The following DNAH9 variants were observed in gnomAD, a reference collection of about 807,000 sequenced individuals.
DNAH9 encodes DNAH9 variant protein.
DNAH9 carries 345 observed loss-of-function variants against 471.6 expected under a neutral mutation model. That is an observed-to-expected ratio of 0.73 (90% CI 0.67 to 0.80). The LOEUF is 0.80. Among genes scored for constraint, DNAH9 ranks in the 30% least tolerant of loss-of-function variants. The probability of loss-of-function intolerance (pLI) is 0.00; values close to 1 mark genes in which losing one functional copy is unlikely to be tolerated. For synonymous variants in DNAH9, 2,093 were observed against 2,123.6 expected (o/e 0.99, Z 0.40); for missense variants, 5,407 against 5,609.2 (o/e 0.96, Z 1.15).
chr17:11,876,145 C>T (rs901278181), intron 53 of DNAH9, among the ~76,000 whole-genome samples: 5 of 151,930 alleles, frequency 3.3e-5, no homozygotes, highest in African/African-American at 1.2e-4. Flanking sequence ...ATTTGGCACT[C>T]GTGTTTATAG....
At chr17:11,676,730 A>T (rs1044475631) in intron 17 of DNAH9, among the ~76,000 whole-genome samples, 1 of 151,412 alleles carries the variant, frequency 6.6e-6, no homozygotes. Flanking sequence ...ACTACTTTGG[A>T]TTTATTTTCT....
chr17:11,874,025 G>A (rs1049632070), intron 52 of DNAH9, among the ~76,000 whole-genome samples: 6 of 152,070 alleles, frequency 3.9e-5, no homozygotes, highest in Admixed American at 2.6e-4. Flanking sequence ...CAGGTGGATC[G>A]CCTGAGGTCA....
chr17:11,891,788 C>G lies in DNAH9; in HGVS notation c.11124C>G (p.Ile3708Met). Residue 3708 changes from isoleucine to methionine, a missense_variant, in exon 58 of 69, where the codon ATC becomes ATG. By Grantham distance (10) the Ile-to-Met change is conservative. Coordinates refer to ENST00000262442, the MANE Select transcript of DNAH9 (RefSeq NM_001372.4). The stretch of plus-strand genomic sequence containing the variant: ...TCTTCTGTCCCCAGGCCTTCAGTAT[C>G]GTCTTCCAGAAGGCTGTGGAGAGGG... ...MYQFSLKAFSIVFQKAVERAA... is the reference protein window; with the variant it reads ...MYQFSLKAFSMVFQKAVERAA... 1 of 1,613,982 alleles carries G rather than the reference C, an allele frequency of 6.2e-7. No homozygotes were observed. Among genetic ancestry groups the G allele is most frequent in the Non-Finnish European group, 8.5e-7 (1 of 1,179,946 alleles).
At position 11,905,244 on chromosome 17, in the gene DNAH9, AAAGAG is replaced by A. The variant is rs1394973379; in HGVS notation, c.11601-415_11601-411del. Reference sequence around the variant, plus strand: ...CGAGAATCCATCTCAAAAAAAAAAAAAAGAGAGAGAATAGCGTACCGTAGGGCCTT... The same window carrying A: ...CGAGAATCCATCTCAAAAAAAAAAAAAGAGAATAGCGTACCGTAGGGCCTT... On this transcript the variant is annotated intron_variant, in intron 60 of 68. Transcript: ENST00000262442. Among the ~76,000 whole-genome samples the A allele has an allele frequency of 5.8e-3, 886 of 152,110 alleles. 5 individuals are homozygous for A. Among genetic ancestry groups the A allele is most frequent in the African/African-American group, 0.02 (813 of 41,502 alleles).
At chr17:11,913,714 GGAGCTTGCAGT>G (rs766560248) in intron 61 of DNAH9, among the ~76,000 whole-genome samples, 1 of 151,714 alleles carries the variant, frequency 6.6e-6, no homozygotes, top group Non-Finnish European at 1.5e-5. Flanking sequence ...CCCAGGAGGT[GGAGCTTGCAGT>G]GAGACGAGAT....
chr17:11,691,422 A>G (rs2074330491), intron 20 of DNAH9, among the ~76,000 whole-genome samples: 1 of 152,198 alleles, frequency 6.6e-6, no homozygotes. Flanking sequence ...TTTAATTAAA[A>G]ATATTGAAGA....
intron 15 of DNAH9, 106 bp downstream of exon 15, chr17:11,665,074 A>AC: frequency 1.0e-6 from 1 of 959,990 alleles, no homozygotes. Context: ...TTTTCCCAAA[A>AC]CGTTGTAGAC....
intron 49 of DNAH9, among the ~76,000 whole-genome samples, chr17:11,838,666 T>C (rs1253492106): frequency 6.6e-6 from 1 of 152,056 alleles, no homozygotes; most frequent in Non-Finnish European, 1.5e-5. Context: ...AAAGGTGAGT[T>C]GAACAAGACA....
At chr17:11,951,266 T>C (rs575103670) in intron 67 of DNAH9, among the ~76,000 whole-genome samples, 3 of 152,342 alleles carry the variant, frequency 2.0e-5, no homozygotes, top group African/African-American at 7.2e-5. Flanking sequence ...AAATATCTGT[T>C]GGACTCATTT....
chr17:11,875,297 C>T, intron 53 of DNAH9, 113 bp downstream of exon 53: 1 of 795,188 alleles, frequency 1.3e-6, no homozygotes, highest in Non-Finnish European at 2.0e-6. Context: ...GTCTCTCCAT[C>T]AGGCTTCTCA....
At chr17:11,897,033 A>G (rs1369713760) in intron 59 of DNAH9, among the ~76,000 whole-genome samples, 2 of 152,230 alleles carry the variant, frequency 1.3e-5, no homozygotes. Context: ...GAGGTTGAAG[A>G]CAGCTGAGAT....
At chr17:11,611,809 G>A in intron 4 of DNAH9, 29 bp downstream of exon 4, 1 of 1,612,386 alleles carries the variant, frequency 6.2e-7, no homozygotes, top group Non-Finnish European at 8.5e-7. Context: ...TTTCACAAAT[G>A]TGTTTGACTC....
At chr17:11,905,939 G>C in intron 61 of DNAH9, 130 bp downstream of exon 61, 1 of 1,215,486 alleles carries the variant, frequency 8.2e-7, no homozygotes, top group East Asian at 2.6e-5. Flanking sequence ...CAGAAGTCAG[G>C]GTCATTGCTG....
intron 45 of DNAH9, among the ~76,000 whole-genome samples, chr17:11,818,226 C>T (rs889565354): frequency 1.3e-5 from 2 of 152,072 alleles, no homozygotes; most frequent in African/African-American, 2.4e-5. Context: ...GTCAGGAGAT[C>T]GAGACCATCC....
chr17:11,823,947 GAAAA>G (rs1244842164), intron 48 of DNAH9, among the ~76,000 whole-genome samples: 1 of 150,462 alleles, frequency 6.6e-6, no homozygotes, highest in East Asian at 1.9e-4. Flanking sequence ...AAAAAAGAAA[GAAAA>G]AAAGAAAGAA....
At chr17:11,816,086 G>C (rs1319929159) in intron 45 of DNAH9, among the ~76,000 whole-genome samples, 1 of 151,706 alleles carries the variant, frequency 6.6e-6, no homozygotes, top group Non-Finnish European at 1.5e-5. Context: ...AGAAAATCTA[G>C]AGACAGATCC....
chr17:11,621,817 C>T (rs1242181683), intron 6 of DNAH9, among the ~76,000 whole-genome samples: 1 of 152,076 alleles, frequency 6.6e-6, no homozygotes, highest in Non-Finnish European at 1.5e-5. Flanking sequence ...TGCGGTGGCT[C>T]ACGCCTGTAA....
chr17:11,875,320 C>A, intron 53 of DNAH9, 136 bp downstream of exon 53: 2 of 697,972 alleles, frequency 2.9e-6, no homozygotes, highest in Non-Finnish European at 4.7e-6. Flanking sequence ...TTTCTCCGTC[C>A]ATTTTAGCAA....
At chr17:11,759,374 G>A (rs887943861) in intron 35 of DNAH9, among the ~76,000 whole-genome samples, 1 of 151,996 alleles carries the variant, frequency 6.6e-6, no homozygotes, top group African/African-American at 2.4e-5. Flanking sequence ...AGAACATGCA[G>A]TTTTTGACTA....
Sources: allele counts gnomAD v4.1 joint callset (sites outside exome capture counted in the v4.1 genomes callset), GRCh38; gene constraint gnomAD v4.1.1; transcripts MANE v1.5; gene names NCBI Gene and HGNC (gene_info 2026-07-23, HGNC 2026-07-21).